KCNH1: variants seen among roughly 807,000 people sequenced by gnomAD.
KCNH1 encodes the protein potassium voltage-gated channel subfamily H member 1, also known as voltage-gated delayed rectifier potassium channel KCNH1.
A neutral mutation model predicts 69.2 loss-of-function variants in KCNH1; 27 were observed. The ratio of observed to expected loss-of-function variants is 0.39; its 90% CI spans 0.29 to 0.54. The LOEUF (loss-of-function observed/expected upper bound fraction) is 0.54, where lower values mean the gene tolerates loss of function less well. Among genes scored for constraint, KCNH1 ranks in the 20% least tolerant of loss-of-function variants. The pLI is 0.68. For synonymous variants in KCNH1, 456 were observed against 487.7 expected (o/e 0.93, Z 0.86); for missense variants, 798 against 1,261.6 (o/e 0.63, Z 5.57).
intron 5 of KCNH1, among the ~76,000 whole-genome samples, chr1:211,034,762 G>A (rs992217966): frequency 3.9e-5 from 6 of 152,082 alleles, no homozygotes; most frequent in East Asian, 3.9e-4. Context: ...GTTATACAGG[G>A]GCTTATTGCG....
chr1:210,973,442 C>G (rs1355669330), intron 6 of KCNH1, among the ~76,000 whole-genome samples: 2 of 152,150 alleles, frequency 1.3e-5, no homozygotes, highest in African/African-American at 4.8e-5. Flanking sequence ...GTCAACTGAA[C>G]ATTTCAAACA....
chr1:210,804,903 C>A (rs1466645370), intron 7 of KCNH1, among the ~76,000 whole-genome samples: 1 of 152,182 alleles, frequency 6.6e-6, no homozygotes, highest in Non-Finnish European at 1.5e-5. Flanking sequence ...TGAGACATAG[C>A]AAGTGTGTAC....
chr1:210,923,571 G>C (rs1245238187), intron 6 of KCNH1, among the ~76,000 whole-genome samples: 1 of 152,232 alleles, frequency 6.6e-6, no homozygotes, highest in Non-Finnish European at 1.5e-5. Flanking sequence ...GACTGTGCCT[G>C]CTCAGACTGG....
intron 5 of KCNH1, among the ~76,000 whole-genome samples, chr1:211,023,269 A>G (rs1689623746): frequency 6.6e-6 from 1 of 151,894 alleles, no homozygotes; most frequent in Non-Finnish European, 1.5e-5. Flanking sequence ...TTCCTTGAAT[A>G]AAAATAGAAC....
At chr1:210,840,211 T>G (rs924071873) in intron 7 of KCNH1, among the ~76,000 whole-genome samples, 1 of 152,284 alleles carries the variant, frequency 6.6e-6, no homozygotes, top group South Asian at 2.1e-4. Flanking sequence ...TCTGGAGCTG[T>G]TTTGTTTGTT....
At chr1:211,045,061 A>AT (rs1690072423) in intron 5 of KCNH1, among the ~76,000 whole-genome samples, 1 of 32,150 alleles carries the variant, frequency 3.1e-5, no homozygotes, top group Non-Finnish European at 8.5e-5. Context: ...TATATATATG[A>AT]ATAATAGAAT....
At chr1:210,971,789 A>C (rs2102367627) in intron 6 of KCNH1, among the ~76,000 whole-genome samples, 2 of 152,276 alleles carry the variant, frequency 1.3e-5, no homozygotes, top group South Asian at 4.1e-4. Flanking sequence ...TTTCTGGTAT[A>C]CATTGTATAT....
intron 10 of KCNH1, among the ~76,000 whole-genome samples, chr1:210,739,404 T>C (rs2149036006): frequency 6.6e-6 from 1 of 152,358 alleles, no homozygotes; most frequent in South Asian, 2.1e-4. Flanking sequence ...TCATAGCTTC[T>C]GGAGTTAGGG....
At chr1:210,873,739 A>G (rs1284124820) in intron 7 of KCNH1, among the ~76,000 whole-genome samples, 1 of 152,258 alleles carries the variant, frequency 6.6e-6, no homozygotes, top group African/African-American at 2.4e-5. Context: ...ATGTGAATCA[A>G]GAGAAATTAC....
At chr1:210,700,760 A>C (rs575489207) in intron 10 of KCNH1, among the ~76,000 whole-genome samples, 28 of 152,310 alleles carry the variant, frequency 1.8e-4, no homozygotes, top group Admixed American at 1.8e-3. Flanking sequence ...AATGGAACTT[A>C]AAAGTAGGTG....
intron 6 of KCNH1, among the ~76,000 whole-genome samples, chr1:210,957,905 C>A (rs1473386763): frequency 6.6e-6 from 1 of 152,098 alleles, no homozygotes; most frequent in Non-Finnish European, 1.5e-5. Context: ...GGCATTTAGC[C>A]CATTTACATT....
intron 5 of KCNH1, among the ~76,000 whole-genome samples, chr1:211,074,787 G>A (rs1369745385): frequency 6.6e-6 from 1 of 152,218 alleles, no homozygotes; most frequent in Non-Finnish European, 1.5e-5. Flanking sequence ...GTTAAAAGCA[G>A]AACTGAGTTT....
At chr1:210,891,091 G>A (rs535146138) in intron 7 of KCNH1, among the ~76,000 whole-genome samples, 13 of 152,274 alleles carry the variant, frequency 8.5e-5, no homozygotes, top group South Asian at 6.2e-4. Flanking sequence ...ACACGCACAC[G>A]TATGTTTATT....
chr1:210,929,155 G>C (rs911821661), intron 6 of KCNH1, among the ~76,000 whole-genome samples: 9 of 152,054 alleles, frequency 5.9e-5, no homozygotes, highest in African/African-American at 2.2e-4. Context: ...GAGAAAGAGG[G>C]AATCCTCCGT....
chr1:211,088,580 T>C (rs2102471463), intron 4 of KCNH1, among the ~76,000 whole-genome samples: 1 of 152,172 alleles, frequency 6.6e-6, no homozygotes, highest in Non-Finnish European at 1.5e-5. Flanking sequence ...AGTGGGAAGG[T>C]TTGAACATAT....
At chr1:211,028,179 G>T (rs1689718472) in intron 5 of KCNH1, among the ~76,000 whole-genome samples, 1 of 151,878 alleles carries the variant, frequency 6.6e-6, no homozygotes, top group Non-Finnish European at 1.5e-5. Flanking sequence ...TAAAGATAAT[G>T]GGAAAATATC....
At chr1:210,744,367 C>T (rs1473931083) in intron 10 of KCNH1, among the ~76,000 whole-genome samples, 6 of 152,176 alleles carry the variant, frequency 3.9e-5, no homozygotes, top group East Asian at 1.9e-4. Flanking sequence ...CAGGTTGAGC[C>T]GGACACGGTG....
intron 7 of KCNH1, among the ~76,000 whole-genome samples, chr1:210,832,323 T>C (rs1228146597): frequency 2.0e-5 from 3 of 152,200 alleles, no homozygotes; most frequent in Non-Finnish European, 2.9e-5. Flanking sequence ...AAGTGGCATA[T>C]ACTGGGCACT....
chr1:210,864,278 C>T (rs55717804), intron 7 of KCNH1, among the ~76,000 whole-genome samples: 38,065 of 152,070 alleles, frequency 0.25, 4,813 homozygotes, highest in African/African-American at 0.28. Context: ...AGCAATGCCA[C>T]GGCAGTGAGG....
Sources: allele counts gnomAD v4.1 joint callset (sites outside exome capture counted in the v4.1 genomes callset), GRCh38; gene constraint gnomAD v4.1.1; transcripts MANE v1.5; gene names NCBI Gene and HGNC (gene_info 2026-07-23, HGNC 2026-07-21).